The following YEATS2 variants were observed in gnomAD, a reference collection of about 807,000 sequenced individuals.
YEATS2 encodes YEATS domain-containing protein 2.
YEATS2 carries 77 observed loss-of-function variants against 163.2 expected under a neutral mutation model. The ratio of observed to expected loss-of-function variants is 0.47; its 90% confidence interval spans 0.39 to 0.57. The LOEUF (loss-of-function observed/expected upper bound fraction) is 0.57. YEATS2 is among the 20% of genes least tolerant of loss of function. The pLI is 0.00. For missense variants in YEATS2, 1,549 were observed against 1,729.8 expected, an observed-to-expected ratio of 0.90 and a Z score of 1.85; for synonymous variants, 631 against 645.1, an observed-to-expected ratio of 0.98 and a Z score of 0.33.
chr3:183,775,149 A>G (rs2108399378), intron 17 of YEATS2, among the ~76,000 whole-genome samples: 1 of 152,324 alleles, frequency 6.6e-6, no homozygotes, highest in South Asian at 2.1e-4. Flanking sequence ...TCCTGGAGTC[A>G]TTGTAAATGA....
chr3:183,751,966 T>A, intron 9 of YEATS2, 107 bp from the exon 10 acceptor site: 1 of 1,261,160 alleles, frequency 7.9e-7, no homozygotes, highest in Non-Finnish European at 1.1e-6. Context: ...TGAAGTGTGA[T>A]TAGAAGTTAT....
intron 7 of YEATS2, among the ~76,000 whole-genome samples, chr3:183,735,903 A>G (rs1718290880): frequency 6.6e-6 from 1 of 152,168 alleles, no homozygotes; most frequent in South Asian, 2.1e-4. Flanking sequence ...ATTCATAACA[A>G]ATGTTTTCAT....
chr3:183,721,502 A>G (rs1362686521), intron 4 of YEATS2, among the ~76,000 whole-genome samples: 1 of 152,208 alleles, frequency 6.6e-6, no homozygotes, highest in Non-Finnish European at 1.5e-5. Flanking sequence ...GGACCATTTT[A>G]TATATACAGC....
rs1304644899 is a variant in YEATS2, at chr3:183,811,765, A to G, written c.*1182A>G. ...CACAGCCTGTGTGGAAGGCAGAACAAAGAATGCATGCCCAGTCAGAAATCT... is the reference window on the plus strand; with the variant it reads ...CACAGCCTGTGTGGAAGGCAGAACAGAGAATGCATGCCCAGTCAGAAATCT... On this transcript the variant is annotated 3_prime_UTR_variant, in exon 31 of 31. Transcript: ENST00000305135. The G allele has an allele frequency of 6.6e-6, 1 of 152,196 alleles. No individual in the cohort carries two copies. The highest frequency in any genetic ancestry group is 1.5e-5 in the Non-Finnish European group (1 of 68,046). The allele number at this position is 152,196 out of a possible 1,614,324, so 9.4% of individuals were successfully genotyped here. A position where few individuals can be genotyped will look rare whatever the true frequency, so the allele number is the denominator to read the frequency against.
intron 8 of YEATS2, among the ~76,000 whole-genome samples, chr3:183,742,374 G>T (rs1270929313): frequency 1.3e-5 from 2 of 152,130 alleles, no homozygotes; most frequent in Non-Finnish European, 2.9e-5. Flanking sequence ...TTCATGAGAG[G>T]AGGTCAGAGT....
chr3:183,778,167 A>G (rs528447811), intron 19 of YEATS2, among the ~76,000 whole-genome samples: 2 of 152,040 alleles, frequency 1.3e-5, no homozygotes, highest in African/African-American at 2.4e-5. Flanking sequence ...AAATATAGAA[A>G]AACAAAAATG....
At chr3:183,703,069 C>T (rs981360644) in intron 1 of YEATS2, among the ~76,000 whole-genome samples, 3 of 152,030 alleles carry the variant, frequency 2.0e-5, no homozygotes, top group Non-Finnish European at 4.4e-5. Flanking sequence ...GTGTTTTTGA[C>T]CTGGAAATAT....
At chr3:183,733,966 C>T (rs777111380) in intron 7 of YEATS2, among the ~76,000 whole-genome samples, 4 of 152,066 alleles carry the variant, frequency 2.6e-5, no homozygotes, top group African/African-American at 4.8e-5. Context: ...GTCTTCCTGC[C>T]CTTGGTGTGT....
At chr3:183,808,360 G>T (rs1487346336) in intron 29 of YEATS2, among the ~76,000 whole-genome samples, 5 of 152,010 alleles carry the variant, frequency 3.3e-5, no homozygotes, top group African/African-American at 1.2e-4. Flanking sequence ...CAGTGTGCTC[G>T]TTGCTTTAGG....
chr3:183,755,716 A>T (rs1257249824), intron 11 of YEATS2, among the ~76,000 whole-genome samples: 1 of 130,608 alleles, frequency 7.7e-6, no homozygotes, highest in Admixed American at 7.5e-5. Flanking sequence ...CTAGCTGTTT[A>T]CTTACTGATT....
At chr3:183,745,568 C>T (rs1396324097) in intron 8 of YEATS2, among the ~76,000 whole-genome samples, 1 of 152,098 alleles carries the variant, frequency 6.6e-6, no homozygotes, top group Non-Finnish European at 1.5e-5. Context: ...CTGAAGTGAT[C>T]TTTGTATTTT....
At chr3:183,767,744 T>A (rs1261819430) in intron 15 of YEATS2, among the ~76,000 whole-genome samples, 1 of 151,836 alleles carries the variant, frequency 6.6e-6, no homozygotes, top group South Asian at 2.1e-4. Flanking sequence ...CTCAAACTCC[T>A]GACCTCTAAT....
chr3:183,798,076 C>T (rs759226600), intron 22 of YEATS2, 25 bp downstream of exon 22: 1 of 1,611,548 alleles, frequency 6.2e-7, no homozygotes, highest in African/African-American at 1.3e-5. Context: ...CACGGGTCGT[C>T]TGTGCTGTGG....
intron 1 of YEATS2, among the ~76,000 whole-genome samples, chr3:183,711,090 C>T (rs1305362852): frequency 1.3e-5 from 2 of 151,902 alleles, no homozygotes; most frequent in Non-Finnish European, 2.9e-5. Context: ...TTTTATGTAA[C>T]AGCCCAAGAT....
At position 183,810,111 on chromosome 3, in the gene YEATS2, C is replaced by T. The variant is rs536619355; in HGVS notation, c.4161-364C>T. 141 of 206,696 alleles carry T rather than the reference C, an allele frequency of 6.8e-4. No individual in the cohort carries two copies. In the South Asian group the frequency reaches 9.3e-3, roughly 14 times the overall value. The allele number at this position is 206,696 out of a possible 1,614,324, so 12.8% of individuals were successfully genotyped here. A position where few individuals can be genotyped will look rare whatever the true frequency, so the allele number is the denominator to read the frequency against. ...CCTGGCCTGGCGTGGCTCCGTCTCC[C>T]GTCTTTCTAGGAGATGGGAAATAAG... On this transcript the variant is annotated intron_variant, in intron 30 of 30. Coordinates refer to ENST00000305135, the MANE Select transcript of YEATS2 (RefSeq NM_018023.5).
intron 13 of YEATS2, among the ~76,000 whole-genome samples, chr3:183,760,367 G>A (rs1721221578): frequency 1.4e-5 from 2 of 140,236 alleles, no homozygotes; most frequent in South Asian, 4.7e-4. Context: ...CGTTGCCAAG[G>A]CTGGAGTGCA....
chr3:183,763,253 C>T (rs2109358705), intron 15 of YEATS2, among the ~76,000 whole-genome samples: 1 of 152,186 alleles, frequency 6.6e-6, no homozygotes, highest in African/African-American at 2.4e-5. Flanking sequence ...ATGGTGTGGC[C>T]TATTGCTCCT....
intron 1 of YEATS2, among the ~76,000 whole-genome samples, chr3:183,707,890 G>A (rs368258241): frequency 1.6e-4 from 25 of 151,722 alleles, no homozygotes; most frequent in African/African-American, 5.1e-4. Flanking sequence ...TGATGAGGCC[G>A]GTCTCGAACT....
chr3:183,807,179 G>A lies in YEATS2; in HGVS notation c.4011+87G>A, dbSNP rs146512735. On this transcript the variant is annotated intron_variant, in intron 28 of 30. Coordinates refer to ENST00000305135, the MANE Select transcript of YEATS2 (RefSeq NM_018023.5). ...TTCAGCTTCACAGACCCAGACCCAGGTGTTCAGCCTCACAGACACAGACTC... is the reference window on the plus strand; with the variant it reads ...TTCAGCTTCACAGACCCAGACCCAGATGTTCAGCCTCACAGACACAGACTC... 22 of 1,221,022 alleles carry A rather than the reference G, an allele frequency of 1.8e-5. No individual in the cohort carries two copies. In the African/African-American group the frequency reaches 2.8e-4, roughly 16 times the overall value. 75.6% of individuals were successfully genotyped at this position (1,221,022 alleles called of 1,614,324 possible).
Sources: allele counts gnomAD v4.1 joint callset (sites outside exome capture counted in the v4.1 genomes callset), GRCh38; gene constraint gnomAD v4.1.1; transcripts MANE v1.5; gene names NCBI Gene and HGNC (gene_info 2026-07-23, HGNC 2026-07-21).